Variants in CTNNA2 observed in about 807,000 individuals in gnomAD.
CTNNA2 encodes catenin alpha 2, also known as catenin alpha-2.
CTNNA2 carries 42 observed loss-of-function variants against 101.0 expected under a neutral mutation model. The ratio of observed to expected loss-of-function variants is 0.42; its 90% confidence interval spans 0.32 to 0.54. The LOEUF (loss-of-function observed/expected upper bound fraction) is 0.54, where lower values mean the gene tolerates loss of function less well. Ranked by LOEUF, CTNNA2 falls within the 20% of genes least tolerant of loss-of-function variation. CTNNA2 has a pLI of 0.14. For synonymous variants in CTNNA2, 450 were observed against 456.4 expected (o/e 0.99, Z 0.18); for missense variants, 871 against 1,223.1 (o/e 0.71, Z 4.29).
chr2:80,590,012 A>T (rs1249498344), intron 15 of CTNNA2, among the ~76,000 whole-genome samples: 1 of 152,214 alleles, frequency 6.6e-6, no homozygotes, highest in Non-Finnish European at 1.5e-5. Flanking sequence ...AGATACAACA[A>T]TCTAAGATTC....
At chr2:80,100,749 G>T (rs570799840) in intron 7 of CTNNA2, among the ~76,000 whole-genome samples, 7 of 152,312 alleles carry the variant, frequency 4.6e-5, no homozygotes, top group Admixed American at 4.6e-4. Flanking sequence ...TCTGAGGCTT[G>T]AATCTCTTGT....
chr2:80,487,260 G>A (rs6733683), intron 9 of CTNNA2, among the ~76,000 whole-genome samples: 11,582 of 142,102 alleles, frequency 0.082, 1,529 homozygotes, highest in African/African-American at 0.28. Flanking sequence ...CAGCCTGGGC[G>A]ACAGAGCAAT....
chr2:79,974,994 G>A (rs145198649), intron 7 of CTNNA2, among the ~76,000 whole-genome samples: 33 of 152,252 alleles, frequency 2.2e-4, no homozygotes, highest in African/African-American at 7.5e-4. Flanking sequence ...AGGCCCTGAG[G>A]CCCAGAGTGT....
chr2:80,484,724 T>A (rs1686412111), intron 9 of CTNNA2, among the ~76,000 whole-genome samples: 1 of 152,160 alleles, frequency 6.6e-6, no homozygotes. Flanking sequence ...ATAATGGGTC[T>A]GGCTGGGCGC....
chr2:79,910,761 T>C (rs555805024), intron 7 of CTNNA2, among the ~76,000 whole-genome samples: 102 of 152,256 alleles, frequency 6.7e-4, no homozygotes, highest in Non-Finnish European at 1.2e-3. Flanking sequence ...GAGGCAATGC[T>C]GAAACAAAGC....
At chr2:80,458,471 A>C (rs1037009884) in intron 9 of CTNNA2, among the ~76,000 whole-genome samples, 2 of 152,230 alleles carry the variant, frequency 1.3e-5, no homozygotes, top group Non-Finnish European at 2.9e-5. Flanking sequence ...TCCCTAAAAT[A>C]TGTAGACTAT....
At chr2:80,538,105 G>T (rs1275141587) in intron 9 of CTNNA2, among the ~76,000 whole-genome samples, 1 of 151,960 alleles carries the variant, frequency 6.6e-6, no homozygotes, top group East Asian at 1.9e-4. Flanking sequence ...TAAGTTCCTT[G>T]TAGATTCTGG....
At position 79,829,751 on chromosome 2, in the gene CTNNA2, G is replaced by A. The variant is rs567459698; in HGVS notation, c.299-28262G>A. Among the ~76,000 whole-genome samples the A allele has an allele frequency of 4.7e-5, 7 of 149,236 alleles. No homozygotes were observed. The East Asian group carries it at 1.4e-3, about 30-fold the overall frequency. On this transcript the variant is annotated intron_variant, in intron 3 of 18. Coordinates refer to ENST00000402739, the MANE Select transcript of CTNNA2 (RefSeq NM_001282597.3). ...TTATTTATTTTTGAGACGGAGTCTC[G>A]CTCTGTCGCCCAGGCTGGAGTGCAG...
intron 9 of CTNNA2, among the ~76,000 whole-genome samples, chr2:80,429,971 A>G (rs1304184769): frequency 6.6e-6 from 1 of 152,230 alleles, no homozygotes; most frequent in South Asian, 2.1e-4. Flanking sequence ...TATTTATACC[A>G]TAGGCAAACT....
intron 3 of CTNNA2, among the ~76,000 whole-genome samples, chr2:79,812,915 A>G (rs1426028225): frequency 6.6e-6 from 1 of 152,074 alleles, no homozygotes; most frequent in East Asian, 1.9e-4. Flanking sequence ...CTCAGCCTCC[A>G]CACCCCAAAG....
intron 3 of CTNNA2, among the ~76,000 whole-genome samples, chr2:79,775,621 A>G (rs899923088): frequency 6.6e-6 from 1 of 152,204 alleles, no homozygotes; most frequent in Non-Finnish European, 1.5e-5. Context: ...ATTAAAAACA[A>G]AAACAAAACT....
chr2:79,757,444 T>G (rs1672474422), intron 3 of CTNNA2, among the ~76,000 whole-genome samples: 1 of 152,236 alleles, frequency 6.6e-6, no homozygotes, highest in Admixed American at 6.5e-5. Flanking sequence ...CAGGACTGTT[T>G]CTTTTAATAC....
chr2:80,039,172 G>A (rs1232112777), intron 7 of CTNNA2, among the ~76,000 whole-genome samples: 1 of 152,182 alleles, frequency 6.6e-6, no homozygotes, highest in African/African-American at 2.4e-5. Flanking sequence ...GCCCAGGGTA[G>A]ATGGAGGGTA....
At chr2:80,068,177 G>A (rs750177597) in intron 7 of CTNNA2, among the ~76,000 whole-genome samples, 10 of 152,228 alleles carry the variant, frequency 6.6e-5, no homozygotes, top group Non-Finnish European at 1.5e-4. Flanking sequence ...AAAGGACCCA[G>A]CAGGCAGAGG....
intron 2 of CTNNA2, among the ~76,000 whole-genome samples, chr2:79,204,125 C>G (rs1226675160): frequency 6.6e-6 from 1 of 152,180 alleles, no homozygotes; most frequent in African/African-American, 2.4e-5. Flanking sequence ...CATAAGGTGC[C>G]TTTGAAATTA....
chr2:80,626,748 G>A (rs1305292578), intron 18 of CTNNA2, among the ~76,000 whole-genome samples: 1 of 151,888 alleles, frequency 6.6e-6, no homozygotes, highest in Non-Finnish European at 1.5e-5. Flanking sequence ...AAGTTCTGGG[G>A]TACATGTGCA....
chr2:80,613,096 G>A (rs1698596462), intron 17 of CTNNA2: 1 of 151,370 alleles, frequency 6.6e-6, no homozygotes. Context: ...CTTTTACAGA[G>A]TAAATGGCAG....
At chr2:79,598,658 C>T (rs1428399309) in intron 1 of CTNNA2, among the ~76,000 whole-genome samples, 1 of 152,038 alleles carries the variant, frequency 6.6e-6, no homozygotes, top group East Asian at 1.9e-4. Flanking sequence ...ATTAGGTTAT[C>T]CATTTTCTTG....
At chr2:79,932,453 C>T (rs1237533842) in intron 7 of CTNNA2, among the ~76,000 whole-genome samples, 1 of 151,634 alleles carries the variant, frequency 6.6e-6, no homozygotes, top group Non-Finnish European at 1.5e-5. Context: ...CTCTCAGCCA[C>T]CTATGCTGAG....
Sources: allele counts gnomAD v4.1 joint callset (sites outside exome capture counted in the v4.1 genomes callset), GRCh38; gene constraint gnomAD v4.1.1; transcripts MANE v1.5; gene names NCBI Gene and HGNC (gene_info 2026-07-23, HGNC 2026-07-21).